COL24A1: variants seen among roughly 807,000 people sequenced by gnomAD.
COL24A1 encodes collagen type XXIV alpha 1 chain, also known as collagen alpha-1(XXIV) chain.
Under a neutral mutation model 253.9 loss-of-function variants are expected in COL24A1, and 224 were observed. The observed-to-expected ratio is 0.88, with a 90% CI of 0.79 to 0.99. COL24A1 has a LOEUF of 0.99. Ranked by LOEUF, COL24A1 falls within the 50% of genes least tolerant of loss-of-function variation. The pLI is 0.00. For missense variants in COL24A1, 2,131 were observed against 2,068.5 expected (o/e 1.03, Z -0.59); for synonymous variants, 685 against 673.7 (o/e 1.02, Z -0.26).
intron 47 of COL24A1, among the ~76,000 whole-genome samples, chr1:85,803,511 G>A (rs1671656214): frequency 6.7e-6 from 1 of 149,804 alleles, no homozygotes; most frequent in African/African-American, 2.4e-5. Context: ...CAGAGACATA[G>A]TATATATACC....
At chr1:85,949,754 A>G (rs1338945452) in intron 24 of COL24A1, among the ~76,000 whole-genome samples, 7 of 152,160 alleles carry the variant, frequency 4.6e-5, no homozygotes, top group African/African-American at 9.7e-5. Flanking sequence ...CTAACTGGCA[A>G]TATGACTGTT....
intron 54 of COL24A1, 23 bp downstream of exon 54, chr1:85,761,508 G>C (rs1221005343): frequency 1.2e-6 from 2 of 1,614,006 alleles, no homozygotes; most frequent in South Asian, 1.1e-5. Context: ...ATGGTAAACA[G>C]ATATAAATGA....
Position 85,784,445 on chromosome 1 carries a change from G to A in COL24A1, c.4060-79C>T, listed in dbSNP as rs1020200656. 4.9e-6 allele frequency: 5 copies of A among 1,021,402 alleles called. No individual in the cohort carries two copies. The African/African-American group carries it at 7.9e-5, about 16-fold the overall frequency. The allele number at this position is 1,021,402 out of a possible 1,614,324, so 63.3% of individuals were successfully genotyped here. The stretch of plus-strand genomic sequence containing the variant: ...GGCTTTTGAATGAAACCCAAATACA[G>A]GCCCATCCTTAGGCCCATTCCATAA... On this transcript the variant is annotated intron_variant, in intron 48 of 59. Coordinates refer to ENST00000370571, the MANE Select transcript of COL24A1 (RefSeq NM_152890.7).
rs1181312102 is a variant in COL24A1 at position 86,125,159 on chromosome 1, T to C, written c.1177A>G (p.Met393Val). 2 of 1,613,450 alleles carry C rather than the reference T, an allele frequency of 1.2e-6. No homozygotes were observed. Among genetic ancestry groups the C allele is most frequent in the Admixed American group, 3.3e-5 (2 of 59,860 alleles). Residue 393 changes from methionine (M) to valine (V), a missense_variant, in exon 3 of 60, where the codon ATG becomes GTG. Physicochemically the swap from Met to Val is conservative, Grantham distance 21 (BLOSUM62 1). Coordinates refer to ENST00000370571, the MANE Select transcript of COL24A1 (RefSeq NM_152890.7). Reference sequence around the variant, plus strand: ...TTAATTTGTGGAAGAATAGATGGCATCTTCTTAAACAGTGACAGACCAGTT... The same window carrying C: ...TTAATTTGTGGAAGAATAGATGGCACCTTCTTAAACAGTGACAGACCAGTT... ...RVTGLSLFKKMPSILPQIKQD... is the reference protein window; with the variant it reads ...RVTGLSLFKKVPSILPQIKQD...
At chr1:86,118,430 C>A (rs1706368738) in intron 3 of COL24A1, among the ~76,000 whole-genome samples, 1 of 152,078 alleles carries the variant, frequency 6.6e-6, no homozygotes, top group African/African-American at 2.4e-5. Flanking sequence ...ATTATTATTA[C>A]TAGGATAATA....
chr1:86,089,257 A>G (rs745612537), intron 6 of COL24A1, 30 bp from the exon 7 acceptor site: 2 of 1,525,054 alleles, frequency 1.3e-6, no homozygotes, highest in Non-Finnish European at 1.8e-6. Context: ...GTTTAATGTC[A>G]TGAAAGAGAA....
chr1:85,949,359 A>T (rs906769121), intron 24 of COL24A1, among the ~76,000 whole-genome samples: 2 of 152,210 alleles, frequency 1.3e-5, no homozygotes, highest in Non-Finnish European at 2.9e-5. Context: ...ACTACATTTT[A>T]TCAAATTTAA....
chr1:86,135,339 G>C (rs1190693020), intron 2 of COL24A1, among the ~76,000 whole-genome samples: 1 of 151,988 alleles, frequency 6.6e-6, no homozygotes, highest in Non-Finnish European at 1.5e-5. Flanking sequence ...GGAGCATTTA[G>C]CCCATTTACA....
intron 32 of COL24A1, among the ~76,000 whole-genome samples, chr1:85,881,648 A>C (rs548423540): frequency 6.6e-6 from 1 of 152,100 alleles, no homozygotes; most frequent in Non-Finnish European, 1.5e-5. Context: ...AAATTTGTGA[A>C]AATAGAATTG....
intron 5 of COL24A1, among the ~76,000 whole-genome samples, chr1:86,096,645 G>A (rs1703910223): frequency 6.6e-6 from 1 of 151,998 alleles, no homozygotes; most frequent in African/African-American, 2.4e-5. Context: ...ATACATAAAT[G>A]ACCCTACTTC....
At chr1:85,771,975 G>C (rs1427787088) in intron 53 of COL24A1, among the ~76,000 whole-genome samples, 6 of 131,942 alleles carry the variant, frequency 4.5e-5, no homozygotes, top group African/African-American at 2.8e-5. Context: ...ACAGTCCCCA[G>C]AGTGTGATAT....
Position 86,022,284 on chromosome 1 carries a change from C to A in COL24A1, c.2212G>T (p.Gly738Cys), listed in dbSNP as rs750552061. The A allele has an allele frequency of 1.2e-6, 2 of 1,602,472 alleles. No individual in the cohort carries two copies. The highest frequency in any genetic ancestry group is 1.7e-6 in the Non-Finnish European group (2 of 1,176,716). The part of the protein sequence containing the change: ...PGYPGDKGAV[G>C]LPGPPGMRGK... Reference sequence around the variant, plus strand: ...CTCATCCCTGGTGGTCCTGGTAAACCAACAGCACCCTAAGAGAAGAGAATA... The same window carrying A: ...CTCATCCCTGGTGGTCCTGGTAAACAAACAGCACCCTAAGAGAAGAGAATA... The change falls in exon 18 of 60, where the codon GGT becomes TGT. Residue 738 changes from glycine to cysteine, a missense_variant. Gly to Cys is a radical substitution (Grantham distance 159). Coordinates refer to ENST00000370571, the MANE Select transcript of COL24A1 (RefSeq NM_152890.7).
intron 37 of COL24A1, among the ~76,000 whole-genome samples, chr1:85,857,612 C>T (rs771693365): frequency 3.9e-5 from 6 of 152,070 alleles, no homozygotes; most frequent in Non-Finnish European, 7.4e-5. Flanking sequence ...TCCAAGGCAT[C>T]CTCATCCTTG....
chr1:85,849,304 G>A (rs1333704285), intron 38 of COL24A1, 49 bp downstream of exon 38: 2 of 1,440,446 alleles, frequency 1.4e-6, no homozygotes, highest in Admixed American at 3.4e-5. Context: ...ATGGAGTTCT[G>A]GGCACATCAG....
chr1:85,913,997 G>A (rs1326404177), intron 24 of COL24A1, among the ~76,000 whole-genome samples: 1 of 152,052 alleles, frequency 6.6e-6, no homozygotes, highest in Non-Finnish European at 1.5e-5. Context: ...ATCTAGTGAG[G>A]GCCTGCTCCC....
chr1:86,122,307 C>T (rs192233542), intron 3 of COL24A1, among the ~76,000 whole-genome samples: 89 of 151,990 alleles, frequency 5.9e-4, no homozygotes, highest in African/African-American at 1.7e-3. Flanking sequence ...TTCTTTTCTC[C>T]TATCTCTCTG....
chr1:85,907,269 T>G, intron 27 of COL24A1, 22 bp from the exon 28 acceptor site: 1 of 1,597,586 alleles, frequency 6.3e-7, no homozygotes, highest in Non-Finnish European at 8.6e-7. Flanking sequence ...AAATTTAAAG[T>G]CAGTTGTAGA....
chr1:86,129,415 T>C (rs1648816959), intron 2 of COL24A1, among the ~76,000 whole-genome samples: 1 of 151,742 alleles, frequency 6.6e-6, no homozygotes, highest in African/African-American at 2.4e-5. Flanking sequence ...CTATCATTAA[T>C]TTTAGAATTT....
chr1:85,891,769 G>A (rs1407949055), intron 31 of COL24A1, among the ~76,000 whole-genome samples: 1 of 152,156 alleles, frequency 6.6e-6, no homozygotes, highest in African/African-American at 2.4e-5. Context: ...TGTAAAGTAT[G>A]TTTAGACATA....
Sources: gnomAD v4.1 joint callset for allele counts (sites outside exome capture counted in the v4.1 genomes callset) on GRCh38, gnomAD v4.1.1 for gene constraint, MANE v1.5 for transcripts, NCBI Gene and HGNC (gene_info 2026-07-23, HGNC 2026-07-21) for gene names.